Variants in FGF14 observed in about 807,000 individuals in gnomAD.
FGF14 encodes fibroblast growth factor homologous factor 4.
A neutral mutation model predicts 25.5 loss-of-function variants in FGF14; 5 were observed. The observed-to-expected ratio is 0.20, with a 90% CI of 0.10 to 0.41. FGF14 has a LOEUF of 0.41. Ranked by LOEUF, FGF14 falls within the 10% of genes least tolerant of loss-of-function variation. The pLI is 1.00. For missense variants in FGF14, 222 were observed against 320.1 expected, an observed-to-expected ratio of 0.69 and a Z score of 2.34; for synonymous variants, 138 against 118.3, an observed-to-expected ratio of 1.17 and a Z score of -1.08.
At chr13:101,836,738 T>C (rs2140301847) in intron 3 of FGF14, among the ~76,000 whole-genome samples, 1 of 152,158 alleles carries the variant, frequency 6.6e-6, no homozygotes, top group Non-Finnish European at 1.5e-5. Context: ...TTTCTAGTAT[T>C]TATGATTATT....
At chr13:102,223,463 T>C (rs1051847717) in intron 1 of FGF14, among the ~76,000 whole-genome samples, 2 of 152,210 alleles carry the variant, frequency 1.3e-5, no homozygotes, top group African/African-American at 4.8e-5. Flanking sequence ...GTGGTTTAAA[T>C]ATTATTTAAG....
At chr13:101,963,345 T>C (rs1275543443) in intron 1 of FGF14, among the ~76,000 whole-genome samples, 3 of 152,202 alleles carry the variant, frequency 2.0e-5, no homozygotes, top group Admixed American at 6.5e-5. Context: ...TTTGGCTGTA[T>C]TCTCTGACTC....
intron 1 of FGF14, among the ~76,000 whole-genome samples, chr13:101,879,581 T>C (rs2045584901): frequency 6.6e-6 from 1 of 152,200 alleles, no homozygotes; most frequent in Admixed American, 6.5e-5. Flanking sequence ...AATGGTGTAC[T>C]TATTTTAAAT....
chr13:102,273,235 C>G (rs149011270), intron 1 of FGF14, among the ~76,000 whole-genome samples: 3 of 152,262 alleles, frequency 2.0e-5, no homozygotes, highest in East Asian at 3.9e-4. Context: ...AAAAATAGAC[C>G]TAACCTAGTT....
At chr13:102,113,961 C>T (rs776237306) in intron 1 of FGF14, among the ~76,000 whole-genome samples, 24 of 152,302 alleles carry the variant, frequency 1.6e-4, no homozygotes, top group Non-Finnish European at 1.3e-4. Flanking sequence ...GTGGAGACGG[C>T]TGATTTTACC....
At chr13:102,084,734 T>C (rs1330411044) in intron 1 of FGF14, among the ~76,000 whole-genome samples, 1 of 152,158 alleles carries the variant, frequency 6.6e-6, no homozygotes, top group Non-Finnish European at 1.5e-5. Flanking sequence ...TCCAGATAAC[T>C]TGTATTCCCT....
At chr13:101,879,310 G>T (rs569106558) in intron 1 of FGF14, among the ~76,000 whole-genome samples, 1 of 152,064 alleles carries the variant, frequency 6.6e-6, no homozygotes, top group African/African-American at 2.4e-5. Flanking sequence ...AATGATCTGT[G>T]ATATTAAAAT....
intron 3 of FGF14, among the ~76,000 whole-genome samples, chr13:101,784,063 C>A (rs1045291478): frequency 2.0e-5 from 3 of 152,120 alleles, no homozygotes; most frequent in Admixed American, 6.6e-5. Context: ...TGTTTTTGTA[C>A]CAAAGCCATG....
intron 1 of FGF14, among the ~76,000 whole-genome samples, chr13:102,007,328 G>T (rs569434943): frequency 3.3e-5 from 5 of 152,302 alleles, no homozygotes; most frequent in East Asian, 3.9e-4. Context: ...TATGTATAGT[G>T]TATGTGTTCA....
rs749003809 is a variant in FGF14 at position 101,714,012 on chromosome 13, AGTT to A, written c.*8816_*8818del. ...AAAATTATAAGCACAATAATTTAGT[AGTT>A]GTTTTAATTAGAAATGCAACCTAAT... On this transcript the variant is annotated 3_prime_UTR_variant, in exon 5 of 5. Coordinates refer to ENST00000376143, the MANE Select transcript of FGF14 (RefSeq NM_004115.4). The A allele has an allele frequency of 8.3e-5, 13 of 156,972 alleles. No homozygotes were observed. The highest frequency in any genetic ancestry group is 1.2e-4 in the African/African-American group (5 of 41,584). 9.7% of individuals were successfully genotyped at this position (156,972 alleles called of 1,614,324 possible).
At chr13:101,819,509 T>G (rs1280967778) in intron 3 of FGF14, among the ~76,000 whole-genome samples, 3 of 152,252 alleles carry the variant, frequency 2.0e-5, no homozygotes, top group East Asian at 1.9e-4. Flanking sequence ...ATTCTACCTA[T>G]CAGTGATGTA....
intron 1 of FGF14, among the ~76,000 whole-genome samples, chr13:101,895,061 A>C (rs2030425427): frequency 6.6e-6 from 1 of 152,100 alleles, no homozygotes; most frequent in African/African-American, 2.4e-5. Context: ...TATTTGCTGA[A>C]TATATCCTCA....
At chr13:102,348,132 TC>T (rs1432101431) in intron 1 of FGF14, among the ~76,000 whole-genome samples, 11 of 152,194 alleles carry the variant, frequency 7.2e-5, no homozygotes, top group African/African-American at 2.6e-4. Flanking sequence ...AATTCAAATG[TC>T]CCCTGTAGAA....
At chr13:101,962,183 A>C (rs71441532) in intron 1 of FGF14, among the ~76,000 whole-genome samples, 15,934 of 152,214 alleles carry the variant, frequency 0.1, 966 homozygotes, top group Admixed American at 0.2. Context: ...ATTGATTCTT[A>C]CTAACCATGA....
In FGF14 at chr13:101,713,757, G is replaced by T. The variant is rs542597848; in HGVS notation, c.*9074C>A. 1 of 152,060 alleles carries T rather than the reference G, an allele frequency of 6.6e-6. No homozygotes were observed. Among genetic ancestry groups the T allele is most frequent in the Non-Finnish European group, 1.5e-5 (1 of 67,996 alleles). The allele number at this position is 152,060 out of a possible 1,614,324, so 9.4% of individuals were successfully genotyped here. A position where few individuals can be genotyped will look rare whatever the true frequency, so the allele number is the denominator to read the frequency against. ...AAATAACCAAAGAGGAAGTTTTTTA[G>T]TTAGGTAGGAGAAATGGGTGAAGTG... On this transcript the variant is annotated 3_prime_UTR_variant, in exon 5 of 5. Coordinates refer to ENST00000376143, the MANE Select transcript of FGF14 (RefSeq NM_004115.4).
At chr13:101,952,080 A>T (rs975337310) in intron 1 of FGF14, among the ~76,000 whole-genome samples, 2 of 152,190 alleles carry the variant, frequency 1.3e-5, no homozygotes, top group Non-Finnish European at 2.9e-5. Context: ...CTACTATTTT[A>T]AATGCTGGAA....
intron 1 of FGF14, among the ~76,000 whole-genome samples, chr13:102,017,713 T>C (rs1048132207): frequency 1.3e-5 from 2 of 152,152 alleles, no homozygotes; most frequent in African/African-American, 4.8e-5. Context: ...CTCTGCTCCA[T>C]TCTCATTATT....
chr13:101,956,156 G>C (rs1399820464), intron 1 of FGF14, among the ~76,000 whole-genome samples: 1 of 152,126 alleles, frequency 6.6e-6, no homozygotes, highest in Non-Finnish European at 1.5e-5. Flanking sequence ...CCAGGCATGA[G>C]GCATGCTGCA....
intron 1 of FGF14, among the ~76,000 whole-genome samples, chr13:102,095,615 C>A (rs1366843311): frequency 1.3e-5 from 2 of 152,144 alleles, no homozygotes; most frequent in Non-Finnish European, 2.9e-5. Flanking sequence ...TATAAGACAG[C>A]AAGACCAGCC....
Sources: gnomAD v4.1 joint callset for allele counts (sites outside exome capture counted in the v4.1 genomes callset) on GRCh38, gnomAD v4.1.1 for gene constraint, MANE v1.5 for transcripts, NCBI Gene and HGNC (gene_info 2026-07-23, HGNC 2026-07-21) for gene names.